The following CMIP variants were observed in gnomAD, a reference collection of about 807,000 sequenced individuals.
CMIP encodes c-Maf inducing protein, also known as C-Maf-inducing protein.
A neutral mutation model predicts 97.3 loss-of-function variants in CMIP; 13 were observed. That is an observed-to-expected ratio of 0.13 (90% confidence interval 0.09 to 0.21). The LOEUF is 0.21. CMIP is among the 10% of genes least tolerant of loss of function. The pLI is 1.00. For synonymous variants in CMIP, 538 were observed against 436.3 expected, an observed-to-expected ratio of 1.23 and a Z score of -2.91; for missense variants, 847 against 1,024.9, an observed-to-expected ratio of 0.83 and a Z score of 2.37.
intron 1 of CMIP, among the ~76,000 whole-genome samples, chr16:81,542,672 C>G (rs1326071405): frequency 6.6e-6 from 1 of 151,962 alleles, no homozygotes; most frequent in African/African-American, 2.4e-5. Flanking sequence ...CTCTTCCTGG[C>G]TTGCAGACAG....
chr16:81,659,624 G>T (rs529875015), intron 5 of CMIP, among the ~76,000 whole-genome samples: 1 of 152,206 alleles, frequency 6.6e-6, no homozygotes, highest in African/African-American at 2.4e-5. Flanking sequence ...CTCCCTGCCA[G>T]CAACACCTGT....
chr16:81,484,477 C>T (rs763809772), intron 1 of CMIP, among the ~76,000 whole-genome samples: 1 of 152,180 alleles, frequency 6.6e-6, no homozygotes, highest in Admixed American at 6.5e-5. Flanking sequence ...CATTTTGACT[C>T]TGGTGGAGAA....
chr16:81,676,818 C>G (rs1904327272), intron 9 of CMIP, among the ~76,000 whole-genome samples: 1 of 152,212 alleles, frequency 6.6e-6, no homozygotes, highest in Non-Finnish European at 1.5e-5. Context: ...CACCCCTTCC[C>G]CCAGCTGCAA....
At chr16:81,519,884 A>G (rs2089986701) in intron 1 of CMIP, 1 of 152,198 alleles carries the variant, frequency 6.6e-6, no homozygotes, top group Non-Finnish European at 1.5e-5. Flanking sequence ...ATGGCGACGA[A>G]TGGGAAGTGA....
chr16:81,577,114 C>A (rs2091203936), intron 1 of CMIP, among the ~76,000 whole-genome samples: 1 of 102,086 alleles, frequency 9.8e-6, no homozygotes, highest in Non-Finnish European at 2.3e-5. Flanking sequence ...ATCACCATCA[C>A]CACCATCATA....
intron 1 of CMIP, among the ~76,000 whole-genome samples, chr16:81,489,356 A>G (rs571608306): frequency 2.6e-5 from 4 of 152,154 alleles, no homozygotes; most frequent in Non-Finnish European, 5.9e-5. Context: ...GGGGGACTTT[A>G]CTTGCAGAGG....
intron 1 of CMIP, among the ~76,000 whole-genome samples, chr16:81,507,416 G>T (rs1216303288): frequency 6.6e-6 from 1 of 152,218 alleles, no homozygotes; most frequent in Non-Finnish European, 1.5e-5. Context: ...GCTAAATTGG[G>T]TGTGTCCTCT....
chr16:81,658,978 C>T (rs1253349265), intron 5 of CMIP, among the ~76,000 whole-genome samples: 4 of 152,216 alleles, frequency 2.6e-5, no homozygotes, highest in Admixed American at 6.5e-5. Context: ...AGAGTCAAGG[C>T]AGCAGCTTCT....
In CMIP at chr16:81,666,316, G is replaced by A. The variant is rs75424386; in HGVS notation, c.825+1967G>A. The A allele has an allele frequency of 2.6e-5, 4 of 152,294 alleles. No individual in the cohort carries two copies. The East Asian group carries it at 7.7e-4, about 29-fold the overall frequency. 9.4% of individuals were successfully genotyped at this position (152,294 alleles called of 1,614,324 possible). A position where few individuals can be genotyped will look rare whatever the true frequency, so the allele number is the denominator to read the frequency against. ...AGAGCCACACCCCCGGGACATACTTGGCAGAGGAATGCCTCTTCAGGCACA... is the reference window on the plus strand; with the variant it reads ...AGAGCCACACCCCCGGGACATACTTAGCAGAGGAATGCCTCTTCAGGCACA... On this transcript the variant is annotated intron_variant, in intron 7 of 20. Transcript: ENST00000537098.
At chr16:81,482,693 G>A (rs2089244378) in intron 1 of CMIP, among the ~76,000 whole-genome samples, 1 of 152,186 alleles carries the variant, frequency 6.6e-6, no homozygotes, top group African/African-American at 2.4e-5. Flanking sequence ...TGTGCTTTGG[G>A]CAGGAAATGC....
chr16:81,470,400 G>A (rs1226357061), intron 1 of CMIP, among the ~76,000 whole-genome samples: 1 of 152,240 alleles, frequency 6.6e-6, no homozygotes, highest in African/African-American at 2.4e-5. Context: ...TTCATGTCCT[G>A]GGAGTAGTGG....
At chr16:81,707,751 C>T (rs74645369) in intron 20 of CMIP, among the ~76,000 whole-genome samples, 164 of 152,332 alleles carry the variant, frequency 1.1e-3, no homozygotes, top group African/African-American at 3.8e-3. Flanking sequence ...GGCCCTCAGT[C>T]GCCTCCTGTC....
chr16:81,530,525 C>T (rs1335285349), intron 1 of CMIP, among the ~76,000 whole-genome samples: 1 of 152,026 alleles, frequency 6.6e-6, no homozygotes, highest in Non-Finnish European at 1.5e-5. Context: ...CACCTGGCAC[C>T]CCTGGCAGCT....
intron 3 of CMIP, among the ~76,000 whole-genome samples, chr16:81,646,456 G>C (rs906474599): frequency 1.2e-4 from 18 of 152,130 alleles, no homozygotes; most frequent in Non-Finnish European, 2.2e-4. Context: ...TACCTCCCTA[G>C]GATAGCATTT....
At chr16:81,653,020 A>G (rs2092445824) in intron 4 of CMIP, among the ~76,000 whole-genome samples, 6 of 152,162 alleles carry the variant, frequency 3.9e-5, no homozygotes, top group Admixed American at 3.9e-4. Context: ...AATGAAACTC[A>G]TCAGCGAGTC....
At chr16:81,543,695 C>T (rs1173434516) in intron 1 of CMIP, among the ~76,000 whole-genome samples, 1 of 152,166 alleles carries the variant, frequency 6.6e-6, no homozygotes, top group East Asian at 1.9e-4. Flanking sequence ...TAGAACAGTG[C>T]CTGGCTTCTA....
chr16:81,667,781 AGAGAGAGAGAGAGAGAGAGT>A (rs1438885220), intron 7 of CMIP, among the ~76,000 whole-genome samples: 23 of 118,776 alleles, frequency 1.9e-4, no homozygotes, highest in Middle Eastern at 7.4e-3. Flanking sequence ...AGAGAGAGAG[AGAGAGAGAGAGAGAGAGAGT>A]GTGTGTGTGT....
intron 2 of CMIP, among the ~76,000 whole-genome samples, chr16:81,618,150 C>G (rs1173963237): frequency 6.6e-6 from 1 of 152,172 alleles, no homozygotes; most frequent in Non-Finnish European, 1.5e-5. Context: ...TAAAAGAACA[C>G]AGATTTAGTC....
intron 1 of CMIP, among the ~76,000 whole-genome samples, chr16:81,463,037 GTC>G (rs1383733193): frequency 6.6e-6 from 1 of 151,708 alleles, no homozygotes; most frequent in Non-Finnish European, 1.5e-5. Context: ...CCTTTACTGA[GTC>G]TCTATCATGG....
Sources: gnomAD v4.1 joint callset for allele counts (sites outside exome capture counted in the v4.1 genomes callset) on GRCh38, gnomAD v4.1.1 for gene constraint, MANE v1.5 for transcripts, NCBI Gene and HGNC (gene_info 2026-07-23, HGNC 2026-07-21) for gene names.